The following CATSPERE variants were observed in gnomAD, a reference collection of about 807,000 sequenced individuals.
CATSPERE encodes catsper channel auxiliary subunit epsilon, also known as cation channel sperm-associated auxiliary subunit epsilon.
In CATSPERE, 93 loss-of-function variants were observed where a neutral mutation model predicts 114.1. That is an observed-to-expected ratio of 0.81 (90% CI 0.69 to 0.97). The LOEUF is 0.97. Ranked by LOEUF, CATSPERE falls within the 50% of genes least tolerant of loss-of-function variation. The pLI is 0.00. For missense variants in CATSPERE, 1,058 were observed against 1,131.6 expected (o/e 0.93, Z 0.93); for synonymous variants, 341 against 384.1 (o/e 0.89, Z 1.31).
chr1:244,580,297 T>C (rs1665977261), intron 11 of CATSPERE, among the ~76,000 whole-genome samples: 1 of 151,340 alleles, frequency 6.6e-6, no homozygotes, highest in Non-Finnish European at 1.5e-5. Context: ...AAGTGATCTC[T>C]TCGATAGGGC....
chr1:244,603,801 T>C (rs1304745373), intron 17 of CATSPERE, among the ~76,000 whole-genome samples: 1 of 152,026 alleles, frequency 6.6e-6, no homozygotes, highest in Admixed American at 6.6e-5. Context: ...AGGCCAGGTG[T>C]TCAAGATGAG....
intron 20 of CATSPERE, among the ~76,000 whole-genome samples, chr1:244,630,970 A>G (rs1190375903): frequency 1.3e-5 from 2 of 152,168 alleles, no homozygotes; most frequent in Non-Finnish European, 2.9e-5. Flanking sequence ...TTTTTTCTAT[A>G]CATATTCTTA....
Position 244,489,927 on chromosome 1 carries a change from A to G in CATSPERE, c.327-520A>G, listed in dbSNP as rs111503087. Among the ~76,000 whole-genome samples the G allele has an allele frequency of 6.3e-3, 954 of 152,322 alleles. 14 individuals are homozygous for G. Among genetic ancestry groups the G allele is most frequent in the African/African-American group, 0.022 (895 of 41,568 alleles). ...TACTGGTTACTGGGAGAGAGCATCA[A>G]TGAGAAAAGAAATAGATTAGCACTG... On this transcript the variant is annotated intron_variant, in intron 5 of 21. Transcript: ENST00000366534.
intron 20 of CATSPERE, among the ~76,000 whole-genome samples, chr1:244,632,990 G>A (rs1674163023): frequency 6.6e-6 from 1 of 152,120 alleles, no homozygotes; most frequent in Non-Finnish European, 1.5e-5. Context: ...AGCCAGATTG[G>A]CCATATTAAT....
intron 5 of CATSPERE, among the ~76,000 whole-genome samples, chr1:244,483,580 G>A (rs1174536216): frequency 2.0e-5 from 3 of 152,062 alleles, no homozygotes; most frequent in South Asian, 2.1e-4. Flanking sequence ...TTACTGATGC[G>A]TTGAGTGTTT....
Position 244,593,384 on chromosome 1 carries a change from C to T in CATSPERE, c.2190-11C>T, listed in dbSNP as rs781193970. 1 of 1,611,638 alleles carries T rather than the reference C, an allele frequency of 6.2e-7. No homozygotes were observed. The highest frequency in any genetic ancestry group is 1.1e-5 in the South Asian group (1 of 90,734). ...AGGAAAGAGAAATAATGAGGAATGTCTTTTTCACAGGTCATATCTGAGGCA... is the reference window on the plus strand; with the variant it reads ...AGGAAAGAGAAATAATGAGGAATGTTTTTTTCACAGGTCATATCTGAGGCA... On this transcript the variant is annotated splice_polypyrimidine_tract_variant and intron_variant, in intron 15 of 21. Coordinates refer to ENST00000366534, the MANE Select transcript of CATSPERE (RefSeq NM_001130957.2).
In CATSPERE at chr1:244,518,779, A is replaced by G. The variant is rs1572521446; in HGVS notation, c.536+81A>G. ...TAAAATCCTAGTGGAACTTAATGAA[A>G]TGTGTCTTATATGTTATTTTCAAGT... On this transcript the variant is annotated intron_variant, in intron 8 of 21. Coordinates refer to ENST00000366534, the MANE Select transcript of CATSPERE (RefSeq NM_001130957.2). 29 of 727,414 alleles carry G rather than the reference A, an allele frequency of 4.0e-5. No homozygotes were observed. In the East Asian group the frequency reaches 6.5e-4, roughly 16 times the overall value. The allele number at this position is 727,414 out of a possible 1,614,324, so 45.1% of individuals were successfully genotyped here. A position where few individuals can be genotyped will look rare whatever the true frequency, so the allele number is the denominator to read the frequency against.
At chr1:244,550,594 G>T (rs1035394707) in intron 8 of CATSPERE, among the ~76,000 whole-genome samples, 9 of 152,172 alleles carry the variant, frequency 5.9e-5, no homozygotes, top group African/African-American at 1.9e-4. Context: ...GTAGCAAAAT[G>T]ATACTGTGAT....
chr1:244,553,173 A>C (rs1168995047), intron 9 of CATSPERE, among the ~76,000 whole-genome samples: 1 of 152,174 alleles, frequency 6.6e-6, no homozygotes, highest in Non-Finnish European at 1.5e-5. Flanking sequence ...TGTAATGATC[A>C]AGTCAGGGTC....
chr1:244,560,762 C>A lies in CATSPERE; in HGVS notation c.1124C>A (p.Thr375Lys), dbSNP rs775655321. ...AAGTTTGCCAGATTAGTAACTACCA[C>A]AGAACTGAAAAACATCCTAAGTCTA... Reference protein sequence around the residue: ...LLKFARLVTTTELKNILSLSV... With the variant: ...LLKFARLVTTKELKNILSLSV... Residue 375 changes from threonine (T) to lysine (K), a missense_variant, in exon 10 of 22, where the codon ACA (threonine) becomes AAA (lysine). Thr to Lys is a moderately conservative substitution (Grantham distance 78). Coordinates refer to ENST00000366534, the MANE Select transcript of CATSPERE (RefSeq NM_001130957.2). 6.2e-7 allele frequency: 1 copy of A among 1,613,986 alleles called. No individual in the cohort carries two copies. Among genetic ancestry groups the A allele is most frequent in the African/African-American group, 1.3e-5 (1 of 75,012 alleles).
chr1:244,532,961 C>G (rs1679840714), intron 8 of CATSPERE, among the ~76,000 whole-genome samples: 1 of 151,294 alleles, frequency 6.6e-6, no homozygotes, highest in African/African-American at 2.5e-5. Flanking sequence ...GTTGAAGTGT[C>G]TGGCTATTAT....
chr1:244,608,110 AAAT>A (rs983125370), intron 18 of CATSPERE, among the ~76,000 whole-genome samples: 4 of 152,114 alleles, frequency 2.6e-5, no homozygotes, highest in Non-Finnish European at 4.4e-5. Context: ...CCGTCTAAAA[AAAT>A]AATAATAATA....
At chr1:244,522,981 T>C (rs1677853406) in intron 8 of CATSPERE, among the ~76,000 whole-genome samples, 1 of 151,952 alleles carries the variant, frequency 6.6e-6, no homozygotes, top group Non-Finnish European at 1.5e-5. Context: ...CCTAACTCAC[T>C]TTATGAGGCC....
At chr1:244,518,493 T>C in intron 7 of CATSPERE, 99 bp from the exon 8 acceptor site, 1 of 741,878 alleles carries the variant, frequency 1.3e-6, no homozygotes, top group Non-Finnish European at 2.3e-6. Flanking sequence ...ATGTAAGCAA[T>C]GTCTTAACGA....
At chr1:244,622,661 A>G (rs1182014658) in intron 20 of CATSPERE, among the ~76,000 whole-genome samples, 1 of 152,156 alleles carries the variant, frequency 6.6e-6, no homozygotes, top group African/African-American at 2.4e-5. Context: ...AGCAATCTCT[A>G]TCTGTACATT....
At chr1:244,550,457 G>A (rs1048835675) in intron 8 of CATSPERE, among the ~76,000 whole-genome samples, 3 of 152,166 alleles carry the variant, frequency 2.0e-5, no homozygotes, top group African/African-American at 7.2e-5. Flanking sequence ...TTGAAAAAGA[G>A]CAGTTTGCCC....
At chr1:244,556,272 GATAGAGTAAAAAATTCA>G (rs1661560882) in intron 9 of CATSPERE, among the ~76,000 whole-genome samples, 1 of 151,290 alleles carries the variant, frequency 6.6e-6, no homozygotes, top group South Asian at 2.1e-4. Context: ...ATTTATACAA[GATAGAGTAAAAAATTCA>G]ATGAACTAAA....
chr1:244,490,363 G>A (rs1251794207), intron 5 of CATSPERE, 84 bp from the exon 6 acceptor site: 1 of 921,590 alleles, frequency 1.1e-6, no homozygotes, highest in Non-Finnish European at 1.7e-6. Flanking sequence ...CAAAGGTTTA[G>A]AAACATGTAT....
intron 8 of CATSPERE, among the ~76,000 whole-genome samples, chr1:244,527,294 C>G (rs1169863162): frequency 2.6e-5 from 4 of 152,264 alleles, no homozygotes; most frequent in African/African-American, 7.2e-5. Context: ...ATTTCAGAGG[C>G]CTTCCCTCAG....
Sources: gnomAD v4.1 joint callset for allele counts (sites outside exome capture counted in the v4.1 genomes callset) on GRCh38, gnomAD v4.1.1 for gene constraint, MANE v1.5 for transcripts, NCBI Gene and HGNC (gene_info 2026-07-23, HGNC 2026-07-21) for gene names.